Variants in RORA observed in about 807,000 individuals in gnomAD.
The protein encoded by RORA is nuclear receptor ROR-alpha.
In RORA, 7 loss-of-function variants were observed where a neutral mutation model predicts 69.5. That is an observed-to-expected ratio of 0.10 (90% CI 0.06 to 0.19). RORA has a LOEUF of 0.19. RORA is among the 10% of genes least tolerant of loss of function. The pLI is 1.00. For synonymous variants in RORA, 261 were observed against 240.8 expected, an observed-to-expected ratio of 1.08 and a Z score of -0.78; for missense variants, 457 against 663.0, an observed-to-expected ratio of 0.69 and a Z score of 3.41.
chr15:60,621,545 C>A (rs1187762538), intron 2 of RORA, among the ~76,000 whole-genome samples: 1 of 152,080 alleles, frequency 6.6e-6, no homozygotes, highest in African/African-American at 2.4e-5. Context: ...GGGGAGGTCA[C>A]CAGGTGAACA....
At chr15:61,184,622 C>T (rs1027033048) in intron 1 of RORA, among the ~76,000 whole-genome samples, 2 of 152,100 alleles carry the variant, frequency 1.3e-5, no homozygotes, top group African/African-American at 2.4e-5. Context: ...GTATATACTT[C>T]GCCCCCTAGG....
intron 1 of RORA, among the ~76,000 whole-genome samples, chr15:60,931,458 AG>A (rs1180323611): frequency 7.2e-5 from 11 of 152,262 alleles, no homozygotes; most frequent in African/African-American, 2.4e-4. Flanking sequence ...TTCAGCTTCC[AG>A]AGCTAAGCCC....
At chr15:60,620,184 AT>A (rs2140619374) in intron 2 of RORA, among the ~76,000 whole-genome samples, 1 of 152,378 alleles carries the variant, frequency 6.6e-6, no homozygotes, top group East Asian at 1.9e-4. Context: ...ATTAATGCAT[AT>A]TTACAGATGG....
At chr15:61,157,497 T>C (rs972761094) in intron 1 of RORA, among the ~76,000 whole-genome samples, 4 of 152,278 alleles carry the variant, frequency 2.6e-5, no homozygotes, top group Admixed American at 6.5e-5. Flanking sequence ...CAGCTAGGTA[T>C]TTGCACTACA....
chr15:60,614,828 G>T, intron 2 of RORA: 1 of 1,266,276 alleles, frequency 7.9e-7, no homozygotes, highest in Non-Finnish European at 1.1e-6. Flanking sequence ...CGCACATGCA[G>T]ACAGACACTG....
intron 1 of RORA, among the ~76,000 whole-genome samples, chr15:60,721,125 A>T (rs1595658502): frequency 6.6e-6 from 1 of 152,186 alleles, no homozygotes; most frequent in South Asian, 2.1e-4. Flanking sequence ...CCTTCGTTTT[A>T]AAGGTCATGG....
At chr15:60,965,221 G>A (rs1056572918) in intron 1 of RORA, among the ~76,000 whole-genome samples, 2 of 152,040 alleles carry the variant, frequency 1.3e-5, no homozygotes, top group East Asian at 1.9e-4. Context: ...CCCATGTCCC[G>A]CCACCAGTTT....
At chr15:60,806,324 A>G (rs1417867875) in intron 1 of RORA, among the ~76,000 whole-genome samples, 3 of 152,228 alleles carry the variant, frequency 2.0e-5, no homozygotes, top group Admixed American at 6.5e-5. Context: ...CACTCTGACT[A>G]TAAGTTTTTC....
chr15:60,922,033 T>C (rs1048668346), intron 1 of RORA, among the ~76,000 whole-genome samples: 2 of 152,198 alleles, frequency 1.3e-5, no homozygotes, highest in African/African-American at 4.8e-5. Flanking sequence ...TCTGCATCTG[T>C]CTCCCCAACC....
intron 1 of RORA, among the ~76,000 whole-genome samples, chr15:61,198,613 A>G (rs895146234): frequency 4.9e-4 from 49 of 100,216 alleles, no homozygotes; most frequent in Admixed American, 5.6e-4. Context: ...CTAAAACGAT[A>G]TTTCTTTGAA....
At chr15:60,740,165 G>T (rs563365783) in intron 1 of RORA, among the ~76,000 whole-genome samples, 1 of 152,070 alleles carries the variant, frequency 6.6e-6, no homozygotes, top group South Asian at 2.1e-4. Context: ...GGCAACAAAG[G>T]CCTCTGAATT....
chr15:60,816,895 G>C (rs1214676471), intron 1 of RORA, among the ~76,000 whole-genome samples: 8 of 151,950 alleles, frequency 5.3e-5, no homozygotes, highest in Admixed American at 5.2e-4. Context: ...TTTATATGTA[G>C]TCACATTTTC....
intron 1 of RORA, among the ~76,000 whole-genome samples, chr15:60,781,352 G>C (rs575016947): frequency 1.3e-5 from 2 of 152,272 alleles, no homozygotes; most frequent in Admixed American, 1.3e-4. Flanking sequence ...ACATAAGCGA[G>C]GAAGGAAAAC....
At chr15:60,984,585 G>A (rs1844336753) in intron 1 of RORA, among the ~76,000 whole-genome samples, 1 of 152,000 alleles carries the variant, frequency 6.6e-6, no homozygotes, top group Admixed American at 6.6e-5. Context: ...CAAATAATAA[G>A]GCACTGTCTG....
At chr15:60,700,107 G>A (rs2070961824) in intron 1 of RORA, among the ~76,000 whole-genome samples, 1 of 152,132 alleles carries the variant, frequency 6.6e-6, no homozygotes, top group Admixed American at 6.5e-5. Context: ...AAGTAGTGGG[G>A]GAGAGGACGC....
intron 1 of RORA, among the ~76,000 whole-genome samples, chr15:60,911,257 A>G (rs1891707730): frequency 6.6e-6 from 1 of 151,760 alleles, no homozygotes; most frequent in Admixed American, 6.6e-5. Flanking sequence ...TTTTGTAACT[A>G]CAGTAAGCTC....
chr15:60,826,855 G>C (rs376636196), intron 1 of RORA, among the ~76,000 whole-genome samples: 1 of 147,936 alleles, frequency 6.8e-6, no homozygotes, highest in South Asian at 2.1e-4. Context: ...GATATTTACT[G>C]TCTTCAGGTT....
intron 2 of RORA, among the ~76,000 whole-genome samples, chr15:60,668,039 T>A (rs1405179870): frequency 6.6e-6 from 1 of 151,958 alleles, no homozygotes; most frequent in Non-Finnish European, 1.5e-5. Context: ...AGAGATGAAA[T>A]AATTGGAAAT....
intron 2 of RORA, among the ~76,000 whole-genome samples, chr15:60,621,230 C>T (rs2069398145): frequency 6.6e-6 from 1 of 151,794 alleles, no homozygotes; most frequent in African/African-American, 2.4e-5. Flanking sequence ...TAAGAAAATA[C>T]CTCTTTATCA....
Sources: allele counts gnomAD v4.1 joint callset (sites outside exome capture counted in the v4.1 genomes callset), GRCh38; gene constraint gnomAD v4.1.1; transcripts MANE v1.5; gene names NCBI Gene and HGNC (gene_info 2026-07-23, HGNC 2026-07-21).